The following TRIM2 variants were observed in gnomAD, a reference collection of about 807,000 sequenced individuals.
TRIM2 encodes tripartite motif-containing protein 2.
In TRIM2, 20 loss-of-function variants were observed where a neutral mutation model predicts 75.2. The ratio of observed to expected loss-of-function variants is 0.27; its 90% CI spans 0.19 to 0.39. The LOEUF is 0.39. Ranked by LOEUF, TRIM2 falls within the 10% of genes least tolerant of loss-of-function variation. TRIM2 has a pLI of 1.00. For synonymous variants in TRIM2, 373 were observed against 388.3 expected (o/e 0.96, Z 0.46); for missense variants, 660 against 990.8 (o/e 0.67, Z 4.48).
intron 1 of TRIM2, among the ~76,000 whole-genome samples, chr4:153,230,085 G>A (rs1189050399): frequency 1.3e-5 from 2 of 152,216 alleles, no homozygotes; most frequent in African/African-American, 4.8e-5. Context: ...TCCTAGATCT[G>A]TCTTTCAGTC....
intron 3 of TRIM2, among the ~76,000 whole-genome samples, chr4:153,282,863 A>C (rs887899867): frequency 6.6e-6 from 1 of 151,974 alleles, no homozygotes; most frequent in African/African-American, 2.4e-5. Flanking sequence ...ATCATGGCTC[A>C]TGGCAGCCTC....
chr4:153,244,437 T>TCTTCTTCTTCTTCTTCTTCTTTTTC (rs1206105496), intron 1 of TRIM2, among the ~76,000 whole-genome samples: 1 of 102,522 alleles, frequency 9.8e-6, no homozygotes, highest in Non-Finnish European at 1.8e-5. Context: ...TTCTTCTTCT[T>TCTTCTTCTTCTTCTTCTTCTTTTTC]TTAATTAGAG....
chr4:153,210,599 T>G (rs1223725294), intron 1 of TRIM2, among the ~76,000 whole-genome samples: 1 of 152,192 alleles, frequency 6.6e-6, no homozygotes, highest in African/African-American at 2.4e-5. Flanking sequence ...GAACTAGAGC[T>G]CTCAAAATAT....
At position 153,270,341 on chromosome 4, in the gene TRIM2, C is replaced by T. The variant is rs1324888432; in HGVS notation, c.37C>T (p.Arg13Cys). The T allele has an allele frequency of 9.3e-6, 15 of 1,608,450 alleles. No homozygotes were observed. In the African/African-American group the frequency reaches 1.2e-4, roughly 13 times the overall value. ...RSGRYGTQQQ[R>C]AGSKTAGPPC... ...TTGATTTTCTGTCTGACAGCAGCAG[C>T]GTGCAGGGTCAAAGACAGCCGGCCC... Residue 13 changes from arginine (R) to cysteine (C), a missense_variant, in exon 2 of 12, where the codon CGT becomes TGT. Transcript: ENST00000338700.
At chr4:153,184,285 G>A (rs1032198143) in intron 1 of TRIM2, among the ~76,000 whole-genome samples, 1 of 152,130 alleles carries the variant, frequency 6.6e-6, no homozygotes, top group Non-Finnish European at 1.5e-5. Context: ...CTCATTTCCT[G>A]GCTTGCAGAC....
At chr4:153,171,084 C>T (rs1466250836) in intron 1 of TRIM2, among the ~76,000 whole-genome samples, 1 of 152,130 alleles carries the variant, frequency 6.6e-6, no homozygotes, top group Non-Finnish European at 1.5e-5. Context: ...GCCTTAGGAC[C>T]GAGGCTGTGG....
chr4:153,279,964 G>T (rs921325101), intron 3 of TRIM2, among the ~76,000 whole-genome samples: 15 of 151,660 alleles, frequency 9.9e-5, no homozygotes, highest in East Asian at 3.9e-4. Flanking sequence ...AAAAAAGCAG[G>T]GGGGGATAGT....
intron 1 of TRIM2, among the ~76,000 whole-genome samples, chr4:153,269,093 T>C (rs545223421): frequency 1.3e-5 from 2 of 152,202 alleles, no homozygotes; most frequent in Non-Finnish European, 1.5e-5. Flanking sequence ...CCTCCTAGAG[T>C]ATGTGCCTAG....
At chr4:153,212,750 G>A (rs891426697) in intron 1 of TRIM2, among the ~76,000 whole-genome samples, 2 of 152,214 alleles carry the variant, frequency 1.3e-5, no homozygotes, top group African/African-American at 4.8e-5. Context: ...GCCAAGTCTT[G>A]TTTGTGGCTT....
intron 11 of TRIM2, among the ~76,000 whole-genome samples, chr4:153,329,751 C>A (rs773699532): frequency 1.1e-4 from 16 of 151,726 alleles, no homozygotes; most frequent in Non-Finnish European, 1.5e-4. Context: ...GCAGGAGAAT[C>A]GCTTGAACCC....
chr4:153,338,083 G>T lies in TRIM2; in HGVS notation c.*3117G>T. On this transcript the variant is annotated 3_prime_UTR_variant, in exon 12 of 12. Transcript: ENST00000338700. ...TCCTTATTTTAATTTACTGTGACTA[G>T]ATTTGAAGCAAATAAATACTCCAGA... 1.0e-6 allele frequency: 1 copy of T among 985,748 alleles called. No homozygotes were observed. Among genetic ancestry groups the T allele is most frequent in the South Asian group, 4.7e-5 (1 of 21,280 alleles). The allele number at this position is 985,748 out of a possible 1,614,324, so 61.1% of individuals were successfully genotyped here. A position where few individuals can be genotyped will look rare whatever the true frequency, so the allele number is the denominator to read the frequency against.
rs751441750 is a variant in TRIM2, at chr4:153,244,153, G to GTTCTTC, written c.31-26159_31-26154dup. On this transcript the variant is annotated intron_variant, in intron 1 of 11. Coordinates refer to ENST00000338700, the MANE Select transcript of TRIM2 (RefSeq NM_015271.5). ...TCTTCTTCTTCTTCTTGTTCTTCTT[G>GTTCTTC]TTCTTCTTCTTCTTCTTCTTCTTCT... 3.7e-3 allele frequency among the ~76,000 whole-genome samples: 407 copies of GTTCTTC among 111,380 alleles called. 9 individuals are homozygous for GTTCTTC. Among genetic ancestry groups the GTTCTTC allele is most frequent in the South Asian group, 9.4e-3 (25 of 2,660 alleles). 73.1% of individuals were successfully genotyped at this position (111,380 alleles called of 152,430 possible). A position where few individuals can be genotyped will look rare whatever the true frequency, so the allele number is the denominator to read the frequency against.
chr4:153,245,884 G>T (rs1749004424), intron 1 of TRIM2, among the ~76,000 whole-genome samples: 2 of 152,104 alleles, frequency 1.3e-5, no homozygotes, highest in Admixed American at 1.3e-4. Flanking sequence ...TTGCCATGTT[G>T]CCCAGGCTGG....
Position 153,166,800 on chromosome 4 carries a change from G to A in TRIM2, c.-49+13530G>A, listed in dbSNP as rs551437675. Reference sequence around the variant, plus strand: ...ACTTCTGCTTTGGGTAAATAAAAGTGACTTCCACCATTCTAGGAGCATGAA... The same window carrying A: ...ACTTCTGCTTTGGGTAAATAAAAGTAACTTCCACCATTCTAGGAGCATGAA... On this transcript the variant is annotated intron_variant, in intron 1 of 11. Coordinates refer to the TRIM2 transcript ENST00000437508. 9.2e-5 allele frequency among the ~76,000 whole-genome samples: 14 copies of A among 152,220 alleles called. No individual in the cohort carries two copies. In the South Asian group the frequency reaches 2.9e-3, roughly 32 times the overall value.
chr4:153,291,517 A>T (rs1332163018), intron 3 of TRIM2, among the ~76,000 whole-genome samples: 1 of 152,218 alleles, frequency 6.6e-6, no homozygotes, highest in African/African-American at 2.4e-5. Context: ...GTGAAAATCC[A>T]TCAAGCTGCA....
chr4:153,243,996 T>C (rs1747422394), intron 1 of TRIM2, among the ~76,000 whole-genome samples: 1 of 151,756 alleles, frequency 6.6e-6, no homozygotes, highest in Non-Finnish European at 1.5e-5. Flanking sequence ...TTTCTAAATT[T>C]TTTTGTAGAA....
upstream of TRIM2, among the ~76,000 whole-genome samples, chr4:153,201,730 T>G (rs1734392664): frequency 6.6e-6 from 1 of 152,094 alleles, no homozygotes; most frequent in South Asian, 2.1e-4. Context: ...AATTTAAAAT[T>G]TTAACGAAGT....
At chr4:153,244,287 TCCTCCTCCTCCTCCTCCTCCTCC>T (rs1747819844) in intron 1 of TRIM2, among the ~76,000 whole-genome samples, 1 of 30,228 alleles carries the variant, frequency 3.3e-5, no homozygotes, top group African/African-American at 1.8e-4. Flanking sequence ...CTCCTCCTCC[TCCTCCTCCTCCTCCTCCTCCTCC>T]TCCTCCTCCT....
intron 1 of TRIM2, among the ~76,000 whole-genome samples, chr4:153,196,352 G>A (rs1733779861): frequency 6.6e-6 from 1 of 151,992 alleles, no homozygotes; most frequent in African/African-American, 2.4e-5. Context: ...CGGGAGGATT[G>A]CTTGAGCCCA....
Sources: gnomAD v4.1 joint callset for allele counts (sites outside exome capture counted in the v4.1 genomes callset) on GRCh38, gnomAD v4.1.1 for gene constraint, MANE v1.5 for transcripts, NCBI Gene and HGNC (gene_info 2026-07-23, HGNC 2026-07-21) for gene names.